CSMD1: variants seen among roughly 807,000 people sequenced by gnomAD.
CSMD1 encodes the protein CUB and Sushi multiple domains 1.
Under a neutral mutation model 417.5 loss-of-function variants are expected in CSMD1, and 213 were observed. The ratio of observed to expected loss-of-function variants is 0.51; its 90% CI spans 0.46 to 0.57. The LOEUF is 0.57. CSMD1 is among the 20% of genes least tolerant of loss of function. The probability of loss-of-function intolerance (pLI) is 0.00; values close to 1 mark genes in which losing one functional copy is unlikely to be tolerated. For missense variants in CSMD1, 6,923 were observed against 4,529.7 expected (o/e 1.53, Z -15.17); for synonymous variants, 2,862 against 1,736.8 (o/e 1.65, Z -16.11).
Position 4,073,799 on chromosome 8 carries a change from T to C in CSMD1, c.416-41700A>G, listed in dbSNP as rs961012932. Among the ~76,000 whole-genome samples, 6 of 152,274 alleles carry C rather than the reference T, an allele frequency of 3.9e-5. No homozygotes were observed. In the East Asian group the frequency reaches 7.7e-4, roughly 20 times the overall value. On this transcript the variant is annotated intron_variant, in intron 3 of 69. Coordinates refer to ENST00000635120, the MANE Select transcript of CSMD1 (RefSeq NM_033225.6). ...AAATACAAAATTTTGCTAAATTATT[T>C]ACCTCATTATTAATTGGTTGAAAAT...
intron 3 of CSMD1, among the ~76,000 whole-genome samples, chr8:4,193,180 G>A (rs1208294402): frequency 6.6e-6 from 1 of 152,130 alleles, no homozygotes; most frequent in East Asian, 1.9e-4. Flanking sequence ...TTTAACCTCA[G>A]CTCTTTGGAG....
chr8:3,658,341 C>G (rs1471070768), intron 7 of CSMD1, among the ~76,000 whole-genome samples: 1 of 151,752 alleles, frequency 6.6e-6, no homozygotes, highest in African/African-American at 2.4e-5. Flanking sequence ...CACTACTCAA[C>G]TTTAAATACA....
intron 30 of CSMD1, among the ~76,000 whole-genome samples, chr8:3,213,116 G>A (rs567707378): frequency 7.9e-5 from 12 of 152,152 alleles, no homozygotes; most frequent in East Asian, 3.9e-4. Flanking sequence ...TGTGAGCCAC[G>A]CGCCCAGTCT....
At chr8:4,761,911 CAATCTAT>C (rs1563319737) in intron 1 of CSMD1, among the ~76,000 whole-genome samples, 13 of 69,370 alleles carry the variant, frequency 1.9e-4, no homozygotes, top group Middle Eastern at 0.018. Context: ...ATCTATCTAT[CAATCTAT>C]CTATCTATCT....
intron 3 of CSMD1, among the ~76,000 whole-genome samples, chr8:4,234,310 T>C (rs996111878): frequency 1.3e-5 from 2 of 152,162 alleles, no homozygotes; most frequent in African/African-American, 4.8e-5. Flanking sequence ...GAGCTGGCGA[T>C]TGCAGACACA....
intron 2 of CSMD1, among the ~76,000 whole-genome samples, chr8:4,447,856 G>A (rs76610060): frequency 0.023 from 3,470 of 152,264 alleles, 135 homozygotes; most frequent in African/African-American, 0.078. Context: ...TTAAAAAAGT[G>A]TAAGTAGAGG....
intron 69 of CSMD1, among the ~76,000 whole-genome samples, chr8:2,939,370 C>T (rs1223970450): frequency 6.6e-6 from 1 of 152,078 alleles, no homozygotes; most frequent in Non-Finnish European, 1.5e-5. Context: ...TTTTATTTTG[C>T]CTCTGTTGAG....
At chr8:4,880,088 CG>C (rs1474136210) in intron 1 of CSMD1, among the ~76,000 whole-genome samples, 6 of 151,974 alleles carry the variant, frequency 3.9e-5, no homozygotes, top group Admixed American at 2.0e-4. Flanking sequence ...TAGTTTTGGC[CG>C]TTGTAATCTT....
At chr8:4,337,908 C>T (rs1041930911) in intron 3 of CSMD1, among the ~76,000 whole-genome samples, 3 of 152,144 alleles carry the variant, frequency 2.0e-5, no homozygotes, top group Non-Finnish European at 4.4e-5. Context: ...ATGACCCCAT[C>T]ACTGAACAAA....
Position 4,032,011 on chromosome 8 carries a change from C to A in CSMD1, c.504G>T (p.Arg168=), listed in dbSNP as rs750625214. 6 of 1,613,766 alleles carry A rather than the reference C, an allele frequency of 3.7e-6. No individual in the cohort carries two copies. The East Asian group carries it at 1.1e-4, about 30-fold the overall frequency. Residue 168 remains arginine, a synonymous_variant, in exon 4 of 70, where the codon CGG becomes CGT. Coordinates refer to ENST00000635120, the MANE Select transcript of CSMD1 (RefSeq NM_033225.6). ...AGATGTAGCCAGGGAGGCAGCTGTACCGGATTTTGTCTCCTATGTTGAATC... is the reference window on the plus strand; with the variant it reads ...AGATGTAGCCAGGGAGGCAGCTGTAACGGATTTTGTCTCCTATGTTGAATC... ...GTRFNIGDKI[R]YSCLPGYILE... is the part of the protein sequence containing the mutation.
At chr8:3,175,438 C>T (rs1306193563) in intron 37 of CSMD1, among the ~76,000 whole-genome samples, 2 of 148,240 alleles carry the variant, frequency 1.3e-5, no homozygotes, top group African/African-American at 5.0e-5. Flanking sequence ...TCATCCCTCC[C>T]TTCCCTCCCT....
intron 7 of CSMD1, among the ~76,000 whole-genome samples, chr8:3,643,224 T>C (rs1001582333): frequency 6.6e-6 from 1 of 151,822 alleles, no homozygotes; most frequent in African/African-American, 2.4e-5. Flanking sequence ...GGTGACCATA[T>C]TGTGGTGAAA....
chr8:3,833,784 C>T (rs186723774), intron 5 of CSMD1, among the ~76,000 whole-genome samples: 1 of 152,130 alleles, frequency 6.6e-6, no homozygotes, highest in East Asian at 1.9e-4. Flanking sequence ...TCTTGGTAAA[C>T]TTGGAAAAGA....
intron 10 of CSMD1, among the ~76,000 whole-genome samples, chr8:3,538,241 C>T (rs1011732191): frequency 6.6e-6 from 1 of 152,242 alleles, no homozygotes; most frequent in African/African-American, 2.4e-5. Context: ...CAATGGCACA[C>T]CTGAGATGCC....
At position 2,984,072 on chromosome 8, in the gene CSMD1, G is replaced by A. The variant is rs1366103946; in HGVS notation, c.8378-5272C>T. ...AGAAAAAAAATAAAACCAACTTAGT[G>A]CAAGTTCTGTTTTTAAATGGCTGTG... On this transcript the variant is annotated intron_variant, in intron 54 of 69. Transcript: ENST00000635120. 4.6e-5 allele frequency among the ~76,000 whole-genome samples: 7 copies of A among 152,274 alleles called. No individual in the cohort carries two copies. In the East Asian group the frequency reaches 1.4e-3, roughly 29 times the overall value.
intron 5 of CSMD1, among the ~76,000 whole-genome samples, chr8:3,797,314 T>A (rs1371874823): frequency 6.6e-6 from 1 of 151,966 alleles, no homozygotes; most frequent in Non-Finnish European, 1.5e-5. Context: ...GTCTTTGTTA[T>A]ATAATTCAAT....
chr8:3,421,217 C>A lies in CSMD1; in HGVS notation c.1562-11612G>T, dbSNP rs73657894. On this transcript the variant is annotated intron_variant, in intron 12 of 69. Transcript: ENST00000635120. Reference sequence around the variant, plus strand: ...TTGAAACCAAGTCTGGAGGAAAATGCAGAGTCATTAAAGTATAAAAGGTGG... The same window carrying A: ...TTGAAACCAAGTCTGGAGGAAAATGAAGAGTCATTAAAGTATAAAAGGTGG... Among the ~76,000 whole-genome samples, 593 of 152,250 alleles carry A rather than the reference C, an allele frequency of 3.9e-3. 3 individuals are homozygous for A. The highest frequency in any genetic ancestry group is 0.013 in the African/African-American group (548 of 41,550).
intron 5 of CSMD1, among the ~76,000 whole-genome samples, chr8:3,861,708 A>G (rs955201033): frequency 6.6e-6 from 1 of 151,988 alleles, no homozygotes; most frequent in African/African-American, 2.4e-5. Flanking sequence ...TTTGGTTTTT[A>G]TTCGTTTTGT....
At chr8:4,210,470 T>A (rs1417488586) in intron 3 of CSMD1, among the ~76,000 whole-genome samples, 1 of 152,244 alleles carries the variant, frequency 6.6e-6, no homozygotes, top group Non-Finnish European at 1.5e-5. Context: ...AACTTTGAAC[T>A]GCAAACAGAC....
Sources: allele counts gnomAD v4.1 joint callset (sites outside exome capture counted in the v4.1 genomes callset), GRCh38; gene constraint gnomAD v4.1.1; transcripts MANE v1.5; gene names NCBI Gene and HGNC (gene_info 2026-07-23, HGNC 2026-07-21).